Variants in GALNT14 observed in about 807,000 individuals in gnomAD.
The protein encoded by GALNT14 is polypeptide N-acetylgalactosaminyltransferase 14.
Under a neutral mutation model 77.5 loss-of-function variants are expected in GALNT14, and 60 were observed. The observed-to-expected ratio is 0.77, with a 90% confidence interval of 0.63 to 0.96. The LOEUF is 0.96. Among genes scored for constraint, GALNT14 ranks in the 40% least tolerant of loss-of-function variants. The probability of loss-of-function intolerance (pLI) is 0.00; values close to 1 mark genes in which losing one functional copy is unlikely to be tolerated. For synonymous variants in GALNT14, 280 were observed against 281.7 expected, an observed-to-expected ratio of 0.99 and a Z score of 0.06; for missense variants, 710 against 731.0, an observed-to-expected ratio of 0.97 and a Z score of 0.33.
At chr2:30,954,961 C>T (rs1667265294) in intron 6 of GALNT14, among the ~76,000 whole-genome samples, 1 of 152,178 alleles carries the variant, frequency 6.6e-6, no homozygotes, top group Non-Finnish European at 1.5e-5. Context: ...ATTGATACTG[C>T]CATCTGCAAT....
rs565622973 is a variant in GALNT14 at position 31,098,698 on chromosome 2, AAACTT to A, written c.129+39255_129+39259del. On this transcript the variant is annotated intron_variant, in intron 1 of 14. Coordinates refer to ENST00000349752, the MANE Select transcript of GALNT14 (RefSeq NM_024572.4). ...GAAAATCTGCACATAACTTTTGACA[AAACTT>A]AACTACCGATAGCCTATTGTTCACC... 1.2e-3 allele frequency among the ~76,000 whole-genome samples: 177 copies of A among 152,198 alleles called. 1 individual carries two copies. The highest frequency in any genetic ancestry group is 4.1e-3 in the African/African-American group (172 of 41,546).
At chr2:30,933,802 C>T (rs941833783) in intron 9 of GALNT14, among the ~76,000 whole-genome samples, 2 of 152,226 alleles carry the variant, frequency 1.3e-5, no homozygotes, top group Non-Finnish European at 2.9e-5. Context: ...TGCTTAAGCT[C>T]GCGGAGGCCT....
chr2:31,064,903 G>A (rs981622083), intron 1 of GALNT14, among the ~76,000 whole-genome samples: 1 of 151,696 alleles, frequency 6.6e-6, no homozygotes, highest in Non-Finnish European at 1.5e-5. Flanking sequence ...AATAAACAAA[G>A]ATGAGAAGGG....
intron 8 of GALNT14, among the ~76,000 whole-genome samples, chr2:30,942,630 G>A (rs917973912): frequency 3.3e-5 from 5 of 152,168 alleles, no homozygotes; most frequent in African/African-American, 1.2e-4. Flanking sequence ...CGATGACCCA[G>A]GGAGCTTCCC....
intron 2 of GALNT14, among the ~76,000 whole-genome samples, chr2:30,971,432 CT>C (rs1489835670): frequency 2.6e-5 from 4 of 152,090 alleles, no homozygotes; most frequent in Admixed American, 6.5e-5. Context: ...GCCTCACCTC[CT>C]GGGGAAACAG....
At chr2:31,089,598 C>T (rs776769477) in intron 1 of GALNT14, among the ~76,000 whole-genome samples, 2 of 152,060 alleles carry the variant, frequency 1.3e-5, no homozygotes, top group Non-Finnish European at 2.9e-5. Flanking sequence ...TTCACTGCTT[C>T]AAGAATTCTT....
At chr2:30,954,330 A>G (rs1484814859) in intron 6 of GALNT14, among the ~76,000 whole-genome samples, 1 of 152,218 alleles carries the variant, frequency 6.6e-6, no homozygotes, top group Non-Finnish European at 1.5e-5. Flanking sequence ...AGAAGATATC[A>G]AAAAAGAGTA....
chr2:30,958,747 A>T (rs1198510955), intron 3 of GALNT14, among the ~76,000 whole-genome samples: 1 of 152,102 alleles, frequency 6.6e-6, no homozygotes, highest in African/African-American at 2.4e-5. Context: ...ATCAGTAAAG[A>T]CTGGCTGGTT....
the GALNT14 span, among the ~76,000 whole-genome samples, chr2:30,886,868 A>G: frequency 6.6e-6 from 1 of 151,916 alleles, no homozygotes; most frequent in Non-Finnish European, 1.5e-5. Flanking sequence ...CATTTTCATC[A>G]CCCCCAGAGA....
intron 13 of GALNT14, among the ~76,000 whole-genome samples, chr2:30,919,423 G>A (rs1664895633): frequency 6.6e-6 from 1 of 152,146 alleles, no homozygotes; most frequent in Non-Finnish European, 1.5e-5. Context: ...GGACAAAACA[G>A]TCTCCTTTCA....
At chr2:31,012,313 C>T (rs760998171) in intron 1 of GALNT14, among the ~76,000 whole-genome samples, 3 of 152,168 alleles carry the variant, frequency 2.0e-5, no homozygotes, top group Non-Finnish European at 4.4e-5. Flanking sequence ...ACTGCCACCA[C>T]CATGACTTTA....
chr2:30,937,305 G>T (rs979443449), intron 9 of GALNT14, among the ~76,000 whole-genome samples: 13 of 152,248 alleles, frequency 8.5e-5, no homozygotes, highest in Admixed American at 7.8e-4. Flanking sequence ...GCCCTGTGAT[G>T]TGGGGCCTAC....
At chr2:30,900,163 A>C in the GALNT14 span, among the ~76,000 whole-genome samples, 1 of 152,218 alleles carries the variant, frequency 6.6e-6, no homozygotes, top group Non-Finnish European at 1.5e-5. Context: ...GATGTGAGTG[A>C]ATCTGCCTGA....
In GALNT14 at chr2:30,955,979, T is replaced by C. The variant is rs377519935; in HGVS notation, c.467-2A>G. The C allele has an allele frequency of 1.2e-6, 2 of 1,614,222 alleles. No homozygotes were observed. The highest frequency in any genetic ancestry group is 1.3e-5 in the African/African-American group (1 of 75,078). ...TGATGAGCTGTTTACAGTCATCAGC[T>C]GCAAAGACAAAAGGTTAAGCCAATT... On this transcript the variant is annotated splice_acceptor_variant, in intron 4 of 14. Transcript: ENST00000349752. LOFTEE classifies it high-confidence loss of function.
At chr2:31,079,338 C>T (rs1447216337) in intron 1 of GALNT14, among the ~76,000 whole-genome samples, 1 of 152,118 alleles carries the variant, frequency 6.6e-6, no homozygotes, top group Admixed American at 6.5e-5. Context: ...GGAAGATGCA[C>T]CTGAATGTGT....
the GALNT14 span, among the ~76,000 whole-genome samples, chr2:30,902,016 G>T: frequency 7.9e-5 from 12 of 152,112 alleles, no homozygotes; most frequent in African/African-American, 2.9e-4. Flanking sequence ...GCTAGTCCAG[G>T]TTACTACCTT....
intron 1 of GALNT14, among the ~76,000 whole-genome samples, chr2:31,071,935 C>A (rs1052131943): frequency 6.6e-6 from 1 of 152,158 alleles, no homozygotes; most frequent in Admixed American, 6.5e-5. Context: ...ACCCAGAAAG[C>A]GGCCTGGAGA....
intron 1 of GALNT14, among the ~76,000 whole-genome samples, chr2:31,052,701 C>T (rs1000228367): frequency 3.9e-5 from 6 of 152,202 alleles, no homozygotes; most frequent in Admixed American, 1.3e-4. Context: ...CGGCGGCAGG[C>T]GCTTTAGAAA....
In GALNT14 at chr2:30,944,889, C is replaced by T. The variant is rs199792871; in HGVS notation, c.796G>A (p.Ala266Thr). The stretch of plus-strand genomic sequence containing the variant: ...GGCTCCGTGGGGTCCAGGCGCCGAG[C>T]CTTCTGCTCTGGGGAGAGCTGCTCC... ...QWEQLSPEQKARRLDPTEPIR... is the reference protein window; with the variant it reads ...QWEQLSPEQKTRRLDPTEPIR... The change falls in exon 8 of 15, where the codon GCT becomes ACT. Residue 266 changes from alanine to threonine, a missense_variant. By Grantham distance (58) the Ala-to-Thr change is moderately conservative. Transcript: ENST00000349752. 14 of 1,610,748 alleles carry T rather than the reference C, an allele frequency of 8.7e-6. No homozygotes were observed. Among genetic ancestry groups the T allele is most frequent in the Admixed American group, 8.3e-5 (5 of 59,904 alleles).
Sources: allele counts gnomAD v4.1 joint callset (sites outside exome capture counted in the v4.1 genomes callset), GRCh38; gene constraint gnomAD v4.1.1; transcripts MANE v1.5; gene names NCBI Gene and HGNC (gene_info 2026-07-23, HGNC 2026-07-21).